The following KIAA1210 variants were observed in gnomAD, a reference collection of about 807,000 sequenced individuals.
KIAA1210 encodes the protein KIAA1210.
KIAA1210 carries 48 observed loss-of-function variants against 78.9 expected under a neutral mutation model. That is an observed-to-expected ratio of 0.61 (90% CI 0.48 to 0.77). The LOEUF is 0.77. Ranked by LOEUF, KIAA1210 falls within the 30% of genes least tolerant of loss-of-function variation. The pLI is 0.00. For missense variants in KIAA1210, 1,108 were observed against 1,100.0 expected, an observed-to-expected ratio of 1.01 and a Z score of -0.10; for synonymous variants, 406 against 404.5, an observed-to-expected ratio of 1.00 and a Z score of -0.04.
intron 3 of KIAA1210, among the ~76,000 whole-genome samples, chrX:119,113,244 A>T (rs185113214): frequency 9.0e-6 from 1 of 111,252 alleles, no homozygotes; most frequent in Non-Finnish European, 1.9e-5. Context: ...GTGATGAAAA[A>T]GTTCCAAAAT....
At chrX:119,124,207 A>G (rs1050508075) in intron 1 of KIAA1210, among the ~76,000 whole-genome samples, 3 of 111,709 alleles carry the variant, frequency 2.7e-5, no homozygotes, top group South Asian at 7.6e-4. Context: ...ATGTTGAACT[A>G]GAACTCCTGA....
chrX:119,101,788 T>C (rs1456490334), intron 6 of KIAA1210, among the ~76,000 whole-genome samples: 1 of 111,631 alleles, frequency 9.0e-6, no homozygotes, highest in Non-Finnish European at 1.9e-5. Flanking sequence ...TTAACTAGTA[T>C]AGAGAATAAG....
intron 11 of KIAA1210, among the ~76,000 whole-genome samples, chrX:119,081,783 G>A (rs1465923761): frequency 8.9e-6 from 1 of 112,329 alleles, no homozygotes; most frequent in Admixed American, 9.4e-5. Context: ...GGCTGTAACT[G>A]CCAATCTTCA....
At chrX:119,148,356 G>A (rs1051712913) in intron 1 of KIAA1210, among the ~76,000 whole-genome samples, 1 of 111,351 alleles carries the variant, frequency 9.0e-6, no homozygotes, top group South Asian at 3.8e-4. Flanking sequence ...CTGACTGTAT[G>A]ACCCAAAGAG....
At chrX:119,139,297 C>A (rs1262368010) in intron 2 of KIAA1210, among the ~76,000 whole-genome samples, 1 of 111,580 alleles carries the variant, frequency 9.0e-6, no homozygotes, top group Non-Finnish European at 1.9e-5. Flanking sequence ...AAACAGAAAA[C>A]CTGAATTGGG....
At position 119,086,716 on chromosome X, in the gene KIAA1210, G is replaced by C. The variant is rs140657116; in HGVS notation, c.3986C>G (p.Ser1329Trp). 2 of 1,211,300 alleles carry C rather than the reference G, an allele frequency of 1.7e-6. No homozygotes were observed. Among genetic ancestry groups the C allele is most frequent in the Non-Finnish European group, 2.2e-6 (2 of 895,327 alleles). ...GCCTACAGAGGATGAAATTGGGCCC[G>C]AGGGCACTGAAGCAAGCTGGGTGAA... ...DNFTQLASVPSGPISSSVGRG... is the reference protein window; with the variant it reads ...DNFTQLASVPWGPISSSVGRG... Residue 1329 changes from serine to tryptophan, a missense_variant, in exon 9 of 12, where the codon TCG (serine) becomes TGG (tryptophan). This residue lies in a region of KIAA1210 where 245 missense variants were observed against 278.8 expected (regional missense o/e 0.88). Coordinates refer to ENST00000691062, the MANE Select transcript of KIAA1210 (RefSeq NM_001394962.1).
chrX:119,132,516 A>G (rs1487705819), upstream of KIAA1210, among the ~76,000 whole-genome samples: 1 of 111,416 alleles, frequency 9.0e-6, no homozygotes, highest in African/African-American at 3.3e-5. Context: ...TCTCAAGCAA[A>G]TTGTCAGCTG....
At chrX:119,142,633 T>A (rs1455473912) in intron 2 of KIAA1210, among the ~76,000 whole-genome samples, 3 of 108,939 alleles carry the variant, frequency 2.8e-5, no homozygotes, top group Non-Finnish European at 3.8e-5. Flanking sequence ...CAAAATTAAC[T>A]GGGCGTGGTG....
intron 2 of KIAA1210, among the ~76,000 whole-genome samples, chrX:119,138,009 A>C (rs1284752989): frequency 9.0e-6 from 1 of 111,110 alleles, no homozygotes; most frequent in Non-Finnish European, 1.9e-5. Flanking sequence ...TGAGATTTAG[A>C]TGTAAATGAG....
chrX:119,086,275 G>A (rs755666086), intron 9 of KIAA1210, among the ~76,000 whole-genome samples: 1 of 111,556 alleles, frequency 9.0e-6, no homozygotes, highest in African/African-American at 3.3e-5. Flanking sequence ...TGAGGAAGAG[G>A]GAATGGGGAA....
chrX:119,127,186 C>T (rs890468407), intron 1 of KIAA1210, among the ~76,000 whole-genome samples: 1 of 110,804 alleles, frequency 9.0e-6, no homozygotes, highest in African/African-American at 3.3e-5. Context: ...GCACCCCCAC[C>T]CCTGCCACTT....
At chrX:119,108,805 C>T (rs911113656) in intron 4 of KIAA1210, among the ~76,000 whole-genome samples, 1 of 106,427 alleles carries the variant, frequency 9.4e-6, no homozygotes, top group Non-Finnish European at 1.9e-5. Context: ...GATCATGCCA[C>T]TGCACTCCAG....
intron 6 of KIAA1210, among the ~76,000 whole-genome samples, chrX:119,102,312 A>G (rs1184883785): frequency 8.9e-6 from 1 of 112,782 alleles, no homozygotes; most frequent in Non-Finnish European, 1.9e-5. Flanking sequence ...ATTTGTATAC[A>G]ATCATGGGAG....
intron 7 of KIAA1210, among the ~76,000 whole-genome samples, 178 bp downstream of exon 7, chrX:119,096,316 T>C (rs1469173818): frequency 1.8e-5 from 2 of 112,455 alleles, no homozygotes; most frequent in East Asian, 2.8e-4. Context: ...ACCCAGCAGA[T>C]GCAAGCTTGC....
At position 119,116,667 on chromosome X, in the gene KIAA1210, G is replaced by T; in HGVS notation, c.62-3C>A. The stretch of plus-strand genomic sequence containing the variant: ...TTTAAATTTGCATTTCTTCTTTCCT[G>T]GAAGTGAAAAATGAAAATGAGGCAG... On this transcript the variant is annotated splice_polypyrimidine_tract_variant and splice_region_variant and intron_variant, in intron 2 of 11. Transcript: ENST00000691062. The T allele has an allele frequency of 8.4e-7, 1 of 1,194,006 alleles. No individual in the cohort carries two copies.
Position 119,116,483 on chromosome X carries a change from C to T in KIAA1210, c.230+13G>A, listed in dbSNP as rs928468573. ...CCCCTGTCCCCATCACTCTCCACCG[C>T]ATCTGAGCTCACCTGGCCTTAGTTG... On this transcript the variant is annotated intron_variant, in intron 3 of 11. Transcript: ENST00000691062. 5 of 1,208,481 alleles carry T rather than the reference C, an allele frequency of 4.1e-6. No individual in the cohort carries two copies. Among genetic ancestry groups the T allele is most frequent in the Non-Finnish European group, 5.6e-6 (5 of 893,691 alleles).
upstream of KIAA1210, among the ~76,000 whole-genome samples, chrX:119,150,741 G>A (rs1176242136): frequency 8.9e-6 from 1 of 112,450 alleles, no homozygotes; most frequent in Non-Finnish European, 1.9e-5. Context: ...GGGGTGCACA[G>A]GGGAATGATG....
chrX:119,126,052 T>C (rs771022209), intron 1 of KIAA1210, among the ~76,000 whole-genome samples: 1 of 108,120 alleles, frequency 9.2e-6, no homozygotes, highest in Admixed American at 1.0e-4. Context: ...GAATGAACTA[T>C]TGTAAAGTGG....
chrX:119,120,056 C>CT (rs1452642402), intron 2 of KIAA1210, among the ~76,000 whole-genome samples: 4 of 110,243 alleles, frequency 3.6e-5, no homozygotes, highest in Admixed American at 1.9e-4. Flanking sequence ...GCACTCCCAG[C>CT]TACTCAGGAG....
Sources: allele counts gnomAD v4.1 joint callset (sites outside exome capture counted in the v4.1 genomes callset), GRCh38; gene constraint gnomAD v4.1.1; regional missense constraint gnomAD v4.1.1; transcripts MANE v1.5; gene names NCBI Gene and HGNC (gene_info 2026-07-23, HGNC 2026-07-21).